CCDC7: variants seen among roughly 807,000 people sequenced by gnomAD.
The protein encoded by CCDC7 is coiled-coil domain containing 7.
A neutral mutation model predicts 196.9 loss-of-function variants in CCDC7; 183 were observed. The observed-to-expected ratio is 0.93, with a 90% CI of 0.82 to 1.05. The LOEUF (loss-of-function observed/expected upper bound fraction) is 1.05, where lower values mean the gene tolerates loss of function less well. Among genes scored for constraint, CCDC7 ranks in the 50% least tolerant of loss-of-function variants. The probability of loss-of-function intolerance (pLI) is 0.00; values close to 1 mark genes in which losing one functional copy is unlikely to be tolerated. For missense variants in CCDC7, 1,540 were observed against 1,482.2 expected, an observed-to-expected ratio of 1.04 and a Z score of -0.64; for synonymous variants, 525 against 484.6, an observed-to-expected ratio of 1.08 and a Z score of -1.10.
At chr10:32,539,377 C>T (rs1222322113) in intron 11 of CCDC7, among the ~76,000 whole-genome samples, 2 of 152,070 alleles carry the variant, frequency 1.3e-5, no homozygotes, top group African/African-American at 4.8e-5. Context: ...GTGGTAACAT[C>T]TGCTTTGTCA....
Position 32,539,462 on chromosome 10 carries a change from T to A in CCDC7, c.994-3838T>A, listed in dbSNP as rs575515500. Among the ~76,000 whole-genome samples the A allele has an allele frequency of 3.3e-5, 5 of 152,178 alleles. No homozygotes were observed. In the East Asian group the frequency reaches 7.7e-4, roughly 23 times the overall value. The stretch of plus-strand genomic sequence containing the variant: ...TAGTGGTCTATCTTATTATTTTTTT[T>A]TATAAAACCAATTTCTGGATCTGTT... On this transcript the variant is annotated intron_variant, in intron 11 of 41. Coordinates refer to ENST00000639629, the Ensembl canonical transcript of CCDC7.
At chr10:32,506,530 C>T (rs912935755) in intron 9 of CCDC7, among the ~76,000 whole-genome samples, 4 of 152,170 alleles carry the variant, frequency 2.6e-5, no homozygotes, top group Non-Finnish European at 5.9e-5. Flanking sequence ...TGTAGCGAGC[C>T]GAGATCACGC....
At chr10:32,554,232 A>C (rs1184755345) in intron 13 of CCDC7, among the ~76,000 whole-genome samples, 3 of 152,134 alleles carry the variant, frequency 2.0e-5, no homozygotes, top group Non-Finnish European at 4.4e-5. Flanking sequence ...AACTTGCTCC[A>C]AGCTACCCGC....
At chr10:32,476,272 G>A (rs930957332) in intron 8 of CCDC7, among the ~76,000 whole-genome samples, 6 of 152,060 alleles carry the variant, frequency 3.9e-5, no homozygotes, top group Non-Finnish European at 8.8e-5. Context: ...TACTGTTTCT[G>A]TAGTATTTCC....
intron 41 of CCDC7, among the ~76,000 whole-genome samples, chr10:32,860,091 C>T (rs1201822193): frequency 1.3e-5 from 2 of 152,110 alleles, no homozygotes; most frequent in East Asian, 1.9e-4. Flanking sequence ...GATACCAAAA[C>T]CTGGCAGAGA....
At chr10:32,768,378 C>A (rs1265929296) in intron 28 of CCDC7, among the ~76,000 whole-genome samples, 1 of 152,014 alleles carries the variant, frequency 6.6e-6, no homozygotes, top group South Asian at 2.1e-4. Flanking sequence ...GATTTTGTAT[C>A]CTGAAACTTT....
chr10:32,542,976 C>T (rs753318985), intron 11 of CCDC7, among the ~76,000 whole-genome samples: 9 of 152,122 alleles, frequency 5.9e-5, no homozygotes, highest in Non-Finnish European at 1.5e-5. Context: ...CCCATACATC[C>T]TACAGGTTTT....
chr10:32,801,119 G>A (rs1169522163), intron 29 of CCDC7, among the ~76,000 whole-genome samples: 1 of 152,192 alleles, frequency 6.6e-6, no homozygotes, highest in Non-Finnish European at 1.5e-5. Context: ...GGTTCCCACT[G>A]TAAGATCGGC....
At chr10:32,853,556 C>A (rs2093642202) in intron 40 of CCDC7, among the ~76,000 whole-genome samples, 1 of 152,128 alleles carries the variant, frequency 6.6e-6, no homozygotes, top group South Asian at 2.1e-4. Flanking sequence ...TCAAATGTTT[C>A]ACCTTCTGCT....
At chr10:32,585,472 C>G (rs1366415237) in intron 18 of CCDC7, among the ~76,000 whole-genome samples, 2 of 152,118 alleles carry the variant, frequency 1.3e-5, no homozygotes, top group South Asian at 2.1e-4. Flanking sequence ...GTTTGCTGCA[C>G]CCATCAACCC....
At chr10:32,719,690 C>A (rs1471840989) in intron 25 of CCDC7, among the ~76,000 whole-genome samples, 6 of 152,004 alleles carry the variant, frequency 3.9e-5, no homozygotes, top group Admixed American at 3.3e-4. Flanking sequence ...AACAAACAAC[C>A]TAATCAAAAA....
chr10:32,847,774 C>A, intron 37 of CCDC7, 59 bp from the exon 39 acceptor site: 4 of 972,962 alleles, frequency 4.1e-6, no homozygotes, highest in South Asian at 1.5e-5. Flanking sequence ...AACTAAAATA[C>A]ATGTGTAACA....
chr10:32,668,948 A>T (rs1254085972), intron 21 of CCDC7, among the ~76,000 whole-genome samples: 1 of 152,112 alleles, frequency 6.6e-6, no homozygotes, highest in African/African-American at 2.4e-5. Context: ...TAGAAGTGGT[A>T]AGAATAAGCA....
intron 11 of CCDC7, among the ~76,000 whole-genome samples, chr10:32,519,624 A>T (rs1418100308): frequency 6.6e-6 from 1 of 152,136 alleles, no homozygotes; most frequent in Non-Finnish European, 1.5e-5. Flanking sequence ...GTATATATTT[A>T]TGGGGTACAT....
At chr10:32,721,133 T>C (rs558031613) in intron 25 of CCDC7, among the ~76,000 whole-genome samples, 1 of 152,100 alleles carries the variant, frequency 6.6e-6, no homozygotes, top group Non-Finnish European at 1.5e-5. Context: ...TGAACTAATA[T>C]GTAAATACCC....
At chr10:32,770,914 C>G (rs2079068214) in intron 28 of CCDC7, among the ~76,000 whole-genome samples, 1 of 152,050 alleles carries the variant, frequency 6.6e-6, no homozygotes, top group African/African-American at 2.4e-5. Flanking sequence ...CTCTTGCTCA[C>G]TTTTGGTTTC....
intron 9 of CCDC7, among the ~76,000 whole-genome samples, chr10:32,494,468 C>T (rs533918206): frequency 7.9e-5 from 12 of 151,458 alleles, no homozygotes; most frequent in Non-Finnish European, 1.5e-4. Flanking sequence ...CATAGGTATA[C>T]ATGTGCCATG....
chr10:32,468,778 G>A (rs975269468), intron 5 of CCDC7, among the ~76,000 whole-genome samples: 7 of 152,096 alleles, frequency 4.6e-5, no homozygotes, highest in African/African-American at 1.7e-4. Flanking sequence ...GCTTCAACAG[G>A]TAGGAAACAA....
intron 16 of CCDC7, among the ~76,000 whole-genome samples, chr10:32,580,424 G>C (rs2058627158): frequency 6.6e-6 from 1 of 151,856 alleles, no homozygotes; most frequent in Non-Finnish European, 1.5e-5. Flanking sequence ...TTCAGTTGAG[G>C]AGCCTAAAAC....
Sources: gnomAD v4.1 joint callset for allele counts (sites outside exome capture counted in the v4.1 genomes callset) on GRCh38, gnomAD v4.1.1 for gene constraint, MANE v1.5 for transcripts, NCBI Gene and HGNC (gene_info 2026-07-23, HGNC 2026-07-21) for gene names.